The following PLPPR1 variants were observed in gnomAD, a reference collection of about 807,000 sequenced individuals.
PLPPR1 encodes the protein phospholipid phosphatase related 1.
Under a neutral mutation model 33.1 loss-of-function variants are expected in PLPPR1, and 10 were observed. That is an observed-to-expected ratio of 0.30 (90% CI 0.19 to 0.51). The LOEUF (loss-of-function observed/expected upper bound fraction) is 0.51, where lower values mean the gene tolerates loss of function less well. PLPPR1 is among the 20% of genes least tolerant of loss of function. PLPPR1 has a pLI of 0.97. For synonymous variants in PLPPR1, 151 were observed against 151.0 expected (o/e 1.00, Z 0.00); for missense variants, 304 against 408.1 (o/e 0.74, Z 2.20).
intron 2 of PLPPR1, among the ~76,000 whole-genome samples, chr9:101,202,613 A>G (rs547393093): frequency 6.6e-6 from 1 of 152,330 alleles, no homozygotes; most frequent in South Asian, 2.1e-4. Flanking sequence ...AATCCCAGAA[A>G]GTACTATAGA....
intron 1 of PLPPR1, among the ~76,000 whole-genome samples, chr9:101,067,521 G>C (rs534583616): frequency 6.1e-4 from 93 of 152,192 alleles, no homozygotes; most frequent in Admixed American, 1.6e-3. Flanking sequence ...GGGTATGCAT[G>C]AGTGAGTCTT....
At chr9:101,063,450 A>G (rs556940613) in intron 1 of PLPPR1, among the ~76,000 whole-genome samples, 2 of 152,216 alleles carry the variant, frequency 1.3e-5, no homozygotes, top group African/African-American at 4.8e-5. Flanking sequence ...ATTGGCCAAG[A>G]TTCAGTCACA....
chr9:101,233,338 A>G (rs1054338735), intron 2 of PLPPR1, among the ~76,000 whole-genome samples: 2 of 151,978 alleles, frequency 1.3e-5, no homozygotes, highest in Non-Finnish European at 2.9e-5. Context: ...GGAAAATGGA[A>G]TAATGTTTAC....
intron 7 of PLPPR1, among the ~76,000 whole-genome samples, chr9:101,320,180 T>C (rs1007214999): frequency 3.3e-5 from 5 of 152,368 alleles, no homozygotes; most frequent in Admixed American, 3.3e-4. Context: ...CTCTCAAACC[T>C]GTCAACAGAT....
At position 101,324,338 on chromosome 9, in the gene PLPPR1, G is replaced by A. The variant is rs1432458985; in HGVS notation, c.*281G>A. 6 of 317,962 alleles carry A rather than the reference G, an allele frequency of 1.9e-5. No homozygotes were observed. Among genetic ancestry groups the A allele is most frequent in the Non-Finnish European group, 1.7e-5 (3 of 175,608 alleles). 19.7% of individuals were successfully genotyped at this position (317,962 alleles called of 1,614,324 possible). Reference sequence around the variant, plus strand: ...GAACCACATTTATTCAATGGTTGACGTTGTTTTGTGATATTTGTACACAAA... The same window carrying A: ...GAACCACATTTATTCAATGGTTGACATTGTTTTGTGATATTTGTACACAAA... On this transcript the variant is annotated 3_prime_UTR_variant, in exon 8 of 8. Coordinates refer to ENST00000374874, the MANE Select transcript of PLPPR1 (RefSeq NM_207299.2).
At chr9:101,306,150 C>G (rs1379525980) in intron 4 of PLPPR1, among the ~76,000 whole-genome samples, 1 of 152,164 alleles carries the variant, frequency 6.6e-6, no homozygotes, top group Non-Finnish European at 1.5e-5. Flanking sequence ...CTTCCTTGGC[C>G]ATTGCTAATG....
At chr9:101,241,018 C>T (rs922204673) in intron 2 of PLPPR1, among the ~76,000 whole-genome samples, 3 of 152,072 alleles carry the variant, frequency 2.0e-5, no homozygotes, top group Non-Finnish European at 4.4e-5. Flanking sequence ...CCAATAGCCA[C>T]ACAAGTGTTC....
At chr9:101,052,992 G>A (rs73491915) in intron 1 of PLPPR1, among the ~76,000 whole-genome samples, 3,155 of 152,230 alleles carry the variant, frequency 0.021, 113 homozygotes, top group African/African-American at 0.072. Flanking sequence ...TGATCAGTCA[G>A]GTGAGAGTAA....
At chr9:101,249,622 G>T (rs972311485) in intron 2 of PLPPR1, among the ~76,000 whole-genome samples, 2 of 151,998 alleles carry the variant, frequency 1.3e-5, no homozygotes, top group East Asian at 3.9e-4. Flanking sequence ...TGGCAGCCCG[G>T]TTAGGTGTGG....
chr9:101,269,105 C>A (rs1395078035), intron 2 of PLPPR1, among the ~76,000 whole-genome samples: 1 of 152,132 alleles, frequency 6.6e-6, no homozygotes, highest in Non-Finnish European at 1.5e-5. Context: ...TTCCATATCC[C>A]CTCAGTTCCA....
rs1156269469 is a variant in PLPPR1, at chr9:101,089,313, A to ATAGG, written c.-46+60214_-46+60215insGTAG. On this transcript the variant is annotated intron_variant, in intron 1 of 7. Transcript: ENST00000374874. ...TATAGATAGATAGATAGATAGATAG[A>ATAGG]TAGATAGATAGATAGATAGTAGTTA... 2.6e-5 allele frequency among the ~76,000 whole-genome samples: 4 copies of ATAGG among 152,232 alleles called. No individual in the cohort carries two copies. In the East Asian group the frequency reaches 7.7e-4, roughly 29 times the overall value.
At chr9:101,110,679 C>T (rs1831045045) in intron 1 of PLPPR1, among the ~76,000 whole-genome samples, 1 of 152,076 alleles carries the variant, frequency 6.6e-6, no homozygotes, top group African/African-American at 2.4e-5. Flanking sequence ...TAAGATTTAG[C>T]ATGCTTCAAT....
At chr9:101,054,116 G>A (rs745616653) in intron 1 of PLPPR1, among the ~76,000 whole-genome samples, 4 of 152,054 alleles carry the variant, frequency 2.6e-5, no homozygotes, top group African/African-American at 4.8e-5. Context: ...CCCAGGAGCC[G>A]GAGGTTGCAG....
At chr9:101,277,498 A>G (rs1337314545) in intron 3 of PLPPR1, among the ~76,000 whole-genome samples, 1 of 152,224 alleles carries the variant, frequency 6.6e-6, no homozygotes, top group East Asian at 1.9e-4. Flanking sequence ...GCAAGAAATC[A>G]CGCTGGCCTT....
chr9:101,088,108 C>G (rs1015732441), intron 1 of PLPPR1, among the ~76,000 whole-genome samples: 9 of 152,156 alleles, frequency 5.9e-5, no homozygotes, highest in Admixed American at 2.6e-4. Flanking sequence ...ATTTCCCCTG[C>G]CTTCAATTCT....
intron 1 of PLPPR1, chr9:101,125,821 C>A: frequency 1.5e-6 from 1 of 689,092 alleles, no homozygotes; most frequent in Non-Finnish European, 2.4e-6. Flanking sequence ...GTTGTGAAGG[C>A]TTCATTTTGT....
In PLPPR1 at chr9:101,149,203, A is replaced by AT. The variant is rs1831554424; in HGVS notation, c.-45-36245dup. Among the ~76,000 whole-genome samples the AT allele has an allele frequency of 2.0e-5, 3 of 152,232 alleles. No individual in the cohort carries two copies. In the South Asian group the frequency reaches 6.2e-4, roughly 31 times the overall value. Reference sequence around the variant, plus strand: ...ATCAGAGCTATGTTTAAAAGGAATAATTACCATAAAACTCTATACATTACA... The same window carrying AT: ...ATCAGAGCTATGTTTAAAAGGAATAATTTACCATAAAACTCTATACATTACA... On this transcript the variant is annotated intron_variant, in intron 1 of 7. Coordinates refer to ENST00000374874, the MANE Select transcript of PLPPR1 (RefSeq NM_207299.2).
intron 4 of PLPPR1, among the ~76,000 whole-genome samples, chr9:101,290,683 A>T (rs1015079516): frequency 5.9e-5 from 9 of 152,150 alleles, no homozygotes; most frequent in South Asian, 2.1e-4. Flanking sequence ...AATTTTTTTA[A>T]AAAAATGAGG....
At chr9:101,207,458 T>C (rs10125791) in intron 2 of PLPPR1, among the ~76,000 whole-genome samples, 54,638 of 152,008 alleles carry the variant, frequency 0.36, 12,257 homozygotes, top group African/African-American at 0.64. Context: ...CTTCATGCTC[T>C]GAACAATTGG....
Sources: allele counts gnomAD v4.1 joint callset (sites outside exome capture counted in the v4.1 genomes callset), GRCh38; gene constraint gnomAD v4.1.1; transcripts MANE v1.5; gene names NCBI Gene and HGNC (gene_info 2026-07-23, HGNC 2026-07-21).